Variants in LY96 observed in about 807,000 individuals in gnomAD.
The protein encoded by LY96 is myeloid differentiation protein-2.
Under a neutral mutation model 18.9 loss-of-function variants are expected in LY96, and 18 were observed. That is an observed-to-expected ratio of 0.95 (90% CI 0.66 to 1.41). LY96 has a LOEUF of 1.41. LY96 is among the 40% of genes most tolerant of loss of function. LY96 has a pLI of 0.00. For missense variants in LY96, 175 were observed against 182.4 expected, an observed-to-expected ratio of 0.96 and a Z score of 0.23; for synonymous variants, 66 against 62.6, an observed-to-expected ratio of 1.06 and a Z score of -0.26.
At chr8:74,024,392 T>C (rs1816826828) in intron 3 of LY96, among the ~76,000 whole-genome samples, 1 of 151,208 alleles carries the variant, frequency 6.6e-6, no homozygotes, top group Admixed American at 6.6e-5. Context: ...GCATTAATAT[T>C]CACAAGGTAT....
At chr8:74,080,895 G>A in the LY96 span, among the ~76,000 whole-genome samples, 1 of 152,220 alleles carries the variant, frequency 6.6e-6, no homozygotes, top group African/African-American at 2.4e-5. Flanking sequence ...GTGCAGAAGA[G>A]AGACTGAATC....
the LY96 span, among the ~76,000 whole-genome samples, chr8:74,094,091 C>T: frequency 7.6e-4 from 115 of 152,146 alleles, 1 homozygote; most frequent in Admixed American, 2.0e-3. Context: ...AGTATATCGC[C>T]GGTCCTTTCT....
At chr8:74,070,337 C>G in the LY96 span, among the ~76,000 whole-genome samples, 6 of 151,954 alleles carry the variant, frequency 3.9e-5, no homozygotes, top group East Asian at 1.2e-3. Flanking sequence ...GTGATCCGCC[C>G]GCCTCGGCCT....
the LY96 span, among the ~76,000 whole-genome samples, chr8:74,038,659 TG>T: frequency 6.6e-6 from 1 of 152,248 alleles, no homozygotes; most frequent in African/African-American, 2.4e-5. Flanking sequence ...CCCAAAGTGC[TG>T]GGATTATAGG....
chr8:74,027,595 C>T (rs1245132307), intron 4 of LY96, among the ~76,000 whole-genome samples: 1 of 152,104 alleles, frequency 6.6e-6, no homozygotes, highest in Non-Finnish European at 1.5e-5. Flanking sequence ...TGCCATTTCT[C>T]GCAGCCCAAT....
chr8:74,072,623 A>G, the LY96 span, among the ~76,000 whole-genome samples: 7 of 152,246 alleles, frequency 4.6e-5, no homozygotes, highest in South Asian at 1.4e-3. Context: ...CATTTTGGAA[A>G]ATATTTTGAT....
chr8:74,040,699 T>G, the LY96 span, among the ~76,000 whole-genome samples: 39 of 64,558 alleles, frequency 6.0e-4, 1 homozygote, highest in East Asian at 0.017. Context: ...TATGTGTCTG[T>G]TTTTTTTTTT....
chr8:74,018,819 G>C (rs551006474), intron 3 of LY96, among the ~76,000 whole-genome samples: 1 of 152,292 alleles, frequency 6.6e-6, no homozygotes, highest in East Asian at 1.9e-4. Flanking sequence ...GCTCCTAAGT[G>C]ACTACTGGGT....
downstream of LY96, among the ~76,000 whole-genome samples, chr8:74,030,716 G>A (rs1191027834): frequency 1.3e-5 from 2 of 151,808 alleles, no homozygotes; most frequent in Non-Finnish European, 2.9e-5. Flanking sequence ...TCATATTGGA[G>A]GTTCATCTGG....
chr8:74,078,452 A>G, the LY96 span, among the ~76,000 whole-genome samples: 4 of 152,244 alleles, frequency 2.6e-5, no homozygotes, highest in Admixed American at 2.6e-4. Context: ...TCTCACAATC[A>G]CCACCCCATG....
chr8:74,096,704 G>C, the LY96 span, among the ~76,000 whole-genome samples: 5 of 152,162 alleles, frequency 3.3e-5, no homozygotes, highest in Non-Finnish European at 5.9e-5. Flanking sequence ...CGGGGACTCT[G>C]TCTGTTTTGT....
chr8:74,096,429 G>A, the LY96 span, among the ~76,000 whole-genome samples: 6 of 152,192 alleles, frequency 3.9e-5, no homozygotes, highest in South Asian at 1.2e-3. Flanking sequence ...CTTTGCACCT[G>A]TGGTTCTCTC....
At chr8:74,088,550 A>T in the LY96 span, among the ~76,000 whole-genome samples, 8 of 152,132 alleles carry the variant, frequency 5.3e-5, no homozygotes, top group African/African-American at 1.9e-4. Context: ...CTAAAACCGC[A>T]GACTGTGACC....
chr8:73,994,279 T>C (rs10808798), intron 1 of LY96, among the ~76,000 whole-genome samples: 71,397 of 151,970 alleles, frequency 0.47, 16,829 homozygotes, highest in South Asian at 0.52. Context: ...CAGCAAGATG[T>C]TGCTTGTTGC....
the LY96 span, among the ~76,000 whole-genome samples, chr8:74,078,311 A>G: frequency 6.6e-6 from 1 of 152,302 alleles, no homozygotes; most frequent in Non-Finnish European, 1.5e-5. Context: ...GAGTGTGGCC[A>G]AATGAATACC....
At position 74,009,985 on chromosome 8, in the gene LY96, A is replaced by T. The variant is rs778837445; in HGVS notation, c.203-16A>T. The T allele has an allele frequency of 1.9e-6, 3 of 1,575,252 alleles. No homozygotes were observed. The African/African-American group carries it at 4.0e-5, about 21-fold the overall frequency. On this transcript the variant is annotated splice_polypyrimidine_tract_variant and intron_variant, in intron 2 of 4. Transcript: ENST00000284818. The stretch of plus-strand genomic sequence containing the variant: ...ATCTACTATTTGAGGGCCTAATGGG[A>T]TTTTTTCTTTTAAAGGGAGAGATTT...
the LY96 span, chr8:74,056,181 T>G: frequency 6.0e-6 from 1 of 167,632 alleles, no homozygotes; most frequent in Non-Finnish European, 1.3e-5. Context: ...CTGCCCAGCT[T>G]TCATGGCATG....
chr8:74,017,764 A>G (rs1816674248), intron 3 of LY96, among the ~76,000 whole-genome samples: 1 of 152,262 alleles, frequency 6.6e-6, no homozygotes, highest in South Asian at 2.1e-4. Flanking sequence ...CTTAAAGACA[A>G]GAATTTTCAA....
At chr8:74,015,108 G>A (rs1422892696) in intron 3 of LY96, among the ~76,000 whole-genome samples, 2 of 152,104 alleles carry the variant, frequency 1.3e-5, no homozygotes, top group Admixed American at 6.6e-5. Flanking sequence ...TTGAGAGGCT[G>A]AGGCGGGAGG....
Sources: gnomAD v4.1 joint callset for allele counts (sites outside exome capture counted in the v4.1 genomes callset) on GRCh38, gnomAD v4.1.1 for gene constraint, MANE v1.5 for transcripts, NCBI Gene and HGNC (gene_info 2026-07-23, HGNC 2026-07-21) for gene names.